The following CFAP299 variants were observed in gnomAD, a reference collection of about 807,000 sequenced individuals.
CFAP299 encodes cilia and flagella associated protein 299.
In CFAP299, 21 loss-of-function variants were observed where a neutral mutation model predicts 27.0. The observed-to-expected ratio is 0.78, with a 90% CI of 0.55 to 1.12. The LOEUF (loss-of-function observed/expected upper bound fraction) is 1.12. CFAP299 is among the 50% of genes most tolerant of loss of function. The probability of loss-of-function intolerance (pLI) is 0.00; values close to 1 mark genes in which losing one functional copy is unlikely to be tolerated. For synonymous variants in CFAP299, 104 were observed against 98.1 expected, an observed-to-expected ratio of 1.06 and a Z score of -0.36; for missense variants, 310 against 276.6, an observed-to-expected ratio of 1.12 and a Z score of -0.86.
chr4:80,903,077 A>C (rs997606093), intron 4 of CFAP299, among the ~76,000 whole-genome samples: 1 of 152,126 alleles, frequency 6.6e-6, no homozygotes, highest in African/African-American at 2.4e-5. Flanking sequence ...TTACTGGCAA[A>C]GACCTAGATC....
At chr4:80,627,491 G>C (rs890566997) in intron 3 of CFAP299, among the ~76,000 whole-genome samples, 11 of 151,996 alleles carry the variant, frequency 7.2e-5, no homozygotes, top group African/African-American at 1.9e-4. Flanking sequence ...GCTAGCCAGA[G>C]CAATTAGGCA....
chr4:80,541,980 A>G lies in CFAP299; in HGVS notation c.243-41113A>G, dbSNP rs1578574066. On this transcript the variant is annotated intron_variant, in intron 2 of 5. Coordinates refer to ENST00000358105, the MANE Select transcript of CFAP299 (RefSeq NM_152770.3). Reference sequence around the variant, plus strand: ...ACTTAAAGTATAATAATTAAAAAAAAAAAGGTATCAAGGACAGAAGGCATA... The same window carrying G: ...ACTTAAAGTATAATAATTAAAAAAAGAAAGGTATCAAGGACAGAAGGCATA... Among the ~76,000 whole-genome samples the G allele has an allele frequency of 6.6e-5, 10 of 152,236 alleles. 1 individual carries two copies. The South Asian group carries it at 1.7e-3, about 25-fold the overall frequency.
intron 4 of CFAP299, among the ~76,000 whole-genome samples, chr4:80,905,157 A>C (rs1735119139): frequency 2.0e-5 from 3 of 152,200 alleles, no homozygotes; most frequent in Admixed American, 1.3e-4. Context: ...AAACTGGAAA[A>C]GCTTAGTTAA....
intron 4 of CFAP299, among the ~76,000 whole-genome samples, chr4:80,944,391 G>A (rs75195012): frequency 0.034 from 5,187 of 152,238 alleles, 202 homozygotes; most frequent in African/African-American, 0.096. Context: ...AGCGGAGCCT[G>A]AAAGAAGTGA....
At position 80,545,285 on chromosome 4, in the gene CFAP299, G is replaced by A. The variant is rs143225376; in HGVS notation, c.243-37808G>A. ...AATTAACAACCTAAAGTTGCACAGA[G>A]AGGAACTAGAGAAACAAGACCAAAA... is the stretch of plus-strand genomic sequence containing the variant. On this transcript the variant is annotated intron_variant, in intron 2 of 5. Coordinates refer to ENST00000358105, the MANE Select transcript of CFAP299 (RefSeq NM_152770.3). Among the ~76,000 whole-genome samples, 147 of 152,162 alleles carry A rather than the reference G, an allele frequency of 9.7e-4. No individual in the cohort carries two copies. The Middle Eastern group carries it at 0.014, about 14-fold the overall frequency.
At chr4:80,505,167 G>A (rs1449409277) in intron 2 of CFAP299, among the ~76,000 whole-genome samples, 1 of 151,368 alleles carries the variant, frequency 6.6e-6, no homozygotes, top group Non-Finnish European at 1.5e-5. Flanking sequence ...ATAAAATAGG[G>A]GGGATGAACA....
intron 3 of CFAP299, among the ~76,000 whole-genome samples, chr4:80,609,726 A>G (rs1737866181): frequency 6.6e-6 from 1 of 151,814 alleles, no homozygotes; most frequent in African/African-American, 2.4e-5. Flanking sequence ...TTGCTATTTT[A>G]TGTGTAACTG....
chr4:80,721,685 T>C (rs932158882), intron 3 of CFAP299, among the ~76,000 whole-genome samples: 2 of 152,156 alleles, frequency 1.3e-5, no homozygotes, highest in Non-Finnish European at 2.9e-5. Context: ...AAACTAGTGA[T>C]AAATAGAAAA....
intron 3 of CFAP299, among the ~76,000 whole-genome samples, chr4:80,750,754 A>G (rs1034452829): frequency 6.6e-5 from 10 of 152,190 alleles, no homozygotes; most frequent in Non-Finnish European, 1.5e-4. Flanking sequence ...GTGAGACTCT[A>G]CTTAAATTAT....
intron 2 of CFAP299, among the ~76,000 whole-genome samples, chr4:80,573,907 T>C (rs1481806079): frequency 6.6e-6 from 1 of 152,172 alleles, no homozygotes; most frequent in Non-Finnish European, 1.5e-5. Context: ...CATCTAGTTG[T>C]GTTCCTTTTA....
chr4:80,651,564 T>C (rs1740300270), intron 3 of CFAP299, among the ~76,000 whole-genome samples: 2 of 151,804 alleles, frequency 1.3e-5, no homozygotes, highest in African/African-American at 4.8e-5. Flanking sequence ...AGGGTCTCTC[T>C]CTGTTGCCCA....
intron 2 of CFAP299, among the ~76,000 whole-genome samples, chr4:80,576,147 C>T (rs1735841054): frequency 6.7e-6 from 1 of 149,518 alleles, no homozygotes; most frequent in African/African-American, 2.5e-5. Flanking sequence ...AACAAACCTG[C>T]ACATTGTGCA....
intron 2 of CFAP299, among the ~76,000 whole-genome samples, chr4:80,572,570 T>C (rs985428656): frequency 4.3e-5 from 6 of 138,378 alleles, no homozygotes; most frequent in Non-Finnish European, 7.7e-5. Context: ...CAGGCTGGAA[T>C]GTAATGGTGC....
chr4:80,643,209 T>A (rs1042101320), intron 3 of CFAP299, among the ~76,000 whole-genome samples: 5 of 152,040 alleles, frequency 3.3e-5, no homozygotes, highest in African/African-American at 1.2e-4. Flanking sequence ...ATCCTGCTGG[T>A]AGATTAAGAG....
At chr4:80,918,488 G>A (rs1735869562) in intron 4 of CFAP299, among the ~76,000 whole-genome samples, 1 of 152,092 alleles carries the variant, frequency 6.6e-6, no homozygotes, top group African/African-American at 2.4e-5. Context: ...CAATGTTCAT[G>A]TGGCAGTTAG....
intron 2 of CFAP299, among the ~76,000 whole-genome samples, chr4:80,443,814 A>G (rs1009389977): frequency 1.3e-5 from 2 of 152,224 alleles, no homozygotes; most frequent in Admixed American, 6.5e-5. Context: ...CTTTAAGCTG[A>G]TAAACAACTG....
At chr4:80,523,301 T>A (rs933601379) in intron 2 of CFAP299, among the ~76,000 whole-genome samples, 5 of 152,182 alleles carry the variant, frequency 3.3e-5, no homozygotes, top group Admixed American at 1.3e-4. Context: ...TGCTGCTGTA[T>A]AGAAACACAA....
At chr4:80,726,585 T>A (rs1374901762) in intron 3 of CFAP299, among the ~76,000 whole-genome samples, 3 of 151,932 alleles carry the variant, frequency 2.0e-5, no homozygotes, top group Non-Finnish European at 4.4e-5. Context: ...ATGAACTTTT[T>A]TTTCCGTACT....
At chr4:80,810,245 T>C (rs73829134) in intron 3 of CFAP299, among the ~76,000 whole-genome samples, 2,880 of 152,040 alleles carry the variant, frequency 0.019, 52 homozygotes, top group African/African-American at 0.054. Context: ...TCATATTTGT[T>C]AACGTTCCCT....
Sources: allele counts gnomAD v4.1 joint callset (sites outside exome capture counted in the v4.1 genomes callset), GRCh38; gene constraint gnomAD v4.1.1; transcripts MANE v1.5; gene names NCBI Gene and HGNC (gene_info 2026-07-23, HGNC 2026-07-21).